Variants in GPR158 observed in about 807,000 individuals in gnomAD.
GPR158 encodes the protein metabotropic glycine receptor.
In GPR158, 30 loss-of-function variants were observed where a neutral mutation model predicts 78.2. That is an observed-to-expected ratio of 0.38 (90% CI 0.29 to 0.52). The LOEUF (loss-of-function observed/expected upper bound fraction) is 0.52, where lower values mean the gene tolerates loss of function less well. Among genes scored for constraint, GPR158 ranks in the 20% least tolerant of loss-of-function variants. The pLI, the probability that GPR158 is intolerant of heterozygous loss-of-function variation, is 0.83. For missense variants in GPR158, 1,463 were observed against 1,523.5 expected (o/e 0.96, Z 0.66); for synonymous variants, 581 against 591.1 (o/e 0.98, Z 0.25).
At chr10:25,457,359 T>C (rs1286828844) in intron 4 of GPR158, among the ~76,000 whole-genome samples, 7 of 152,024 alleles carry the variant, frequency 4.6e-5, no homozygotes, top group Non-Finnish European at 8.8e-5. Flanking sequence ...CATAATTTTA[T>C]GTTACTTTAT....
chr10:25,179,239 A>T (rs1852582382), intron 1 of GPR158, among the ~76,000 whole-genome samples: 1 of 152,206 alleles, frequency 6.6e-6, no homozygotes, highest in South Asian at 2.1e-4. Context: ...AACAAGGTAA[A>T]CCTCAAATGA....
chr10:25,248,411 A>G (rs894122012), intron 2 of GPR158, among the ~76,000 whole-genome samples: 15 of 152,052 alleles, frequency 9.9e-5, no homozygotes, highest in Middle Eastern at 6.3e-3. Context: ...CTGAATGGTA[A>G]TGCCTAGGTT....
At chr10:25,488,823 A>T (rs1302858840) in intron 5 of GPR158, among the ~76,000 whole-genome samples, 1 of 152,084 alleles carries the variant, frequency 6.6e-6, no homozygotes, top group Non-Finnish European at 1.5e-5. Context: ...TTTTTCTGAT[A>T]ACAGCTCTAT....
intron 2 of GPR158, among the ~76,000 whole-genome samples, chr10:25,321,900 TGTA>T (rs751592667): frequency 1.2e-4 from 19 of 152,206 alleles, no homozygotes; most frequent in African/African-American, 1.7e-4. Context: ...TTATTTTACT[TGTA>T]GTGAGGATAT....
At position 25,550,992 on chromosome 10, in the gene GPR158, T is replaced by C; in HGVS notation, c.1421T>C (p.Phe474Ser). 1 of 1,601,752 alleles carries C rather than the reference T, an allele frequency of 6.2e-7. No individual in the cohort carries two copies. The highest frequency in any genetic ancestry group is 8.6e-7 in the Non-Finnish European group (1 of 1,168,852). The change falls in exon 6 of 11, where the codon TTT (phenylalanine) becomes TCT (serine). Residue 474 changes from phenylalanine to serine, a missense_variant. Phe to Ser is a radical substitution (Grantham distance 155). Coordinates refer to ENST00000376351, the MANE Select transcript of GPR158 (RefSeq NM_020752.3). Reference sequence around the variant, plus strand: ...ATCCCACAGGTTGTTATTTTGTACTTTGAGCCAAGCACATTTCGCTGTATT... The same window carrying C: ...ATCCCACAGGTTGTTATTTTGTACTCTGAGCCAAGCACATTTCGCTGTATT... ...LLYFPVVILYFEPSTFRCILL... is the reference protein window; with the variant it reads ...LLYFPVVILYSEPSTFRCILL...
chr10:25,195,675 G>A (rs1217440374), intron 1 of GPR158, among the ~76,000 whole-genome samples: 1 of 152,168 alleles, frequency 6.6e-6, no homozygotes, highest in Non-Finnish European at 1.5e-5. Context: ...CAACAACTGT[G>A]TGTTGGATGC....
chr10:25,496,556 A>G (rs1835883294), intron 5 of GPR158, among the ~76,000 whole-genome samples: 2 of 152,250 alleles, frequency 1.3e-5, no homozygotes, highest in South Asian at 4.1e-4. Flanking sequence ...GTGCTTTTCC[A>G]ATTAGCTGGT....
chr10:25,508,758 GCTTA>G (rs1052785639), intron 5 of GPR158, among the ~76,000 whole-genome samples: 1 of 152,108 alleles, frequency 6.6e-6, no homozygotes, highest in Non-Finnish European at 1.5e-5. Flanking sequence ...ACTAGTTTCT[GCTTA>G]CTTACAGGAA....
At chr10:25,388,497 T>C (rs1564441734) in intron 2 of GPR158, among the ~76,000 whole-genome samples, 1 of 152,242 alleles carries the variant, frequency 6.6e-6, no homozygotes, top group East Asian at 1.9e-4. Flanking sequence ...CTCATGGGGC[T>C]GGCCCCAGGA....
intron 2 of GPR158, among the ~76,000 whole-genome samples, chr10:25,348,142 G>A (rs1004676372): frequency 2.6e-5 from 4 of 151,778 alleles, no homozygotes; most frequent in African/African-American, 9.7e-5. Context: ...CCTATTCTAT[G>A]ACTGCTTTAT....
At chr10:25,520,632 C>G (rs1413006608) in intron 5 of GPR158, among the ~76,000 whole-genome samples, 2 of 150,984 alleles carry the variant, frequency 1.3e-5, no homozygotes, top group African/African-American at 4.9e-5. Context: ...AATACCCTGC[C>G]GTGTGAGGTG....
rs1224265617 is a variant in GPR158, at chr10:25,320,031, C to T, written c.1009-75880C>T. 2.0e-5 allele frequency among the ~76,000 whole-genome samples: 3 copies of T among 152,204 alleles called. No homozygotes were observed. The East Asian group carries it at 5.8e-4, about 29-fold the overall frequency. ...CTCGACATCCAACCCCCTCAAGTCA[C>T]ACTGCTTTATGATCCACCCTAATCC... On this transcript the variant is annotated intron_variant, in intron 2 of 10. Transcript: ENST00000376351.
In GPR158 at chr10:25,175,707, G is replaced by T. The variant is rs574076490; in HGVS notation, c.287G>T (p.Arg96Leu). 5.0e-6 allele frequency: 8 copies of T among 1,611,676 alleles called. No individual in the cohort carries two copies. Among genetic ancestry groups the T allele is most frequent in the Non-Finnish European group, 5.9e-6 (7 of 1,179,940 alleles). ...LYTGDSHQLK[R>L]ANCSGRYELA... ...ACCGGGGACTCCCACCAGCTGAAGC[G>T]AGCCAACTGCTCCGGCCGCTACGAG... The change falls in exon 1 of 11, where the codon CGA (arginine) becomes CTA (leucine). Residue 96 changes from arginine (R) to leucine (L), a missense_variant. Transcript: ENST00000376351. The surrounding 1 kb of genome is among the most constrained non-coding windows in gnomAD (Gnocchi z 6.4).
At chr10:25,439,400 A>G (rs940194023) in intron 4 of GPR158, among the ~76,000 whole-genome samples, 1 of 152,136 alleles carries the variant, frequency 6.6e-6, no homozygotes, top group Non-Finnish European at 1.5e-5. Context: ...CCCTCCCACA[A>G]TACGTGGGAA....
chr10:25,489,425 T>TA (rs1354140681), intron 5 of GPR158, among the ~76,000 whole-genome samples: 3 of 152,146 alleles, frequency 2.0e-5, no homozygotes, highest in African/African-American at 7.2e-5. Flanking sequence ...TATGAATGGC[T>TA]GATGTGAATT....
intron 2 of GPR158, among the ~76,000 whole-genome samples, chr10:25,347,421 A>T (rs969808873): frequency 6.6e-6 from 1 of 152,014 alleles, no homozygotes; most frequent in Non-Finnish European, 1.5e-5. Context: ...TCTATCTGTC[A>T]ACTGTTTTTT....
At chr10:25,302,645 T>C (rs1854616143) in intron 2 of GPR158, among the ~76,000 whole-genome samples, 1 of 152,296 alleles carries the variant, frequency 6.6e-6, no homozygotes, top group African/African-American at 2.4e-5. Flanking sequence ...CATATTCTTC[T>C]TACTTTTTTA....
intron 6 of GPR158, among the ~76,000 whole-genome samples, chr10:25,555,008 G>A (rs941848012): frequency 6.7e-6 from 1 of 149,328 alleles, no homozygotes; most frequent in South Asian, 2.1e-4. Flanking sequence ...TTGAGAGAGA[G>A]GAAAGAAAGA....
chr10:25,581,264 T>C (rs1226825919), intron 7 of GPR158, among the ~76,000 whole-genome samples: 2 of 152,142 alleles, frequency 1.3e-5, no homozygotes, highest in Non-Finnish European at 2.9e-5. Flanking sequence ...AGAGACAGAC[T>C]TGCTGTGTTG....
Sources: gnomAD v4.1 joint callset for allele counts (sites outside exome capture counted in the v4.1 genomes callset) on GRCh38, gnomAD v4.1.1 for gene constraint, Gnocchi (gnomAD v3.1) non-coding constraint, MANE v1.5 for transcripts, NCBI Gene and HGNC (gene_info 2026-07-23, HGNC 2026-07-21) for gene names.